UPP1: variants seen among roughly 807,000 people sequenced by gnomAD.
UPP1 encodes UPase 1.
Under a neutral mutation model 29.6 loss-of-function variants are expected in UPP1, and 25 were observed. That is an observed-to-expected ratio of 0.85 (90% CI 0.62 to 1.18). The LOEUF (loss-of-function observed/expected upper bound fraction) is 1.18. Ranked by LOEUF, UPP1 falls within the 50% of genes most tolerant of loss-of-function variation. The pLI is 0.00. For missense variants in UPP1, 368 were observed against 410.4 expected, an observed-to-expected ratio of 0.90 and a Z score of 0.89; for synonymous variants, 165 against 159.8, an observed-to-expected ratio of 1.03 and a Z score of -0.25.
Position 48,094,774 on chromosome 7 carries a change from A to G in UPP1, c.-10A>G, listed in dbSNP as rs1792036521. On this transcript the variant is annotated 5_prime_UTR_variant, in exon 3 of 9. Transcript: ENST00000395564. ...TTTTTTTTCCTTAGGGTCCTGCCTC[A>G]GTTGGCGGAATGGCGGCCACGGGAG... The G allele has an allele frequency of 6.2e-7, 1 of 1,602,964 alleles. No homozygotes were observed. Among genetic ancestry groups the G allele is most frequent in the Non-Finnish European group, 8.5e-7 (1 of 1,173,044 alleles).
rs1562653588 is a variant in UPP1, at chr7:48,099,753, G to T, written c.128G>T (p.Arg43Ile). ...TATCATTTCAATCTCACCACTAGCA[G>T]ACACAATTTCCCAGCCTTGTTTGGA... ...ILYHFNLTTS[R>I]HNFPALFGDV... The change falls in exon 4 of 9, where the codon AGA (arginine) becomes ATA (isoleucine). Residue 43 changes from arginine to isoleucine, a missense_variant. Physicochemically the swap from Arg to Ile is moderately conservative, Grantham distance 97 (BLOSUM62 -3). Transcript: ENST00000395564. The T allele has an allele frequency of 1.2e-6, 2 of 1,613,516 alleles. No homozygotes were observed. Among genetic ancestry groups the T allele is most frequent in the Admixed American group, 3.3e-5 (2 of 60,022 alleles).
At chr7:48,107,603 A>C (rs1388358561) in intron 8 of UPP1, 96 bp downstream of exon 8, 2 of 1,432,122 alleles carry the variant, frequency 1.4e-6, no homozygotes, top group East Asian at 2.3e-5. Flanking sequence ...GGGCACCCCG[A>C]TACCCATTTC....
Position 48,108,522 on chromosome 7 carries a change from C to A in UPP1, c.*165C>A. The A allele has an allele frequency of 1.3e-6, 1 of 784,516 alleles. No homozygotes were observed. Among genetic ancestry groups the A allele is most frequent in the Non-Finnish European group, 1.8e-6 (1 of 548,134 alleles). 48.6% of individuals were successfully genotyped at this position (784,516 alleles called of 1,614,324 possible). A position where few individuals can be genotyped will look rare whatever the true frequency, so the allele number is the denominator to read the frequency against. On this transcript the variant is annotated 3_prime_UTR_variant, in exon 9 of 9. Transcript: ENST00000395564. ...TTGGATTAACCGCATGGGAGATGTT[C>A]TTCCTTTTGAAGTTTCATTGGAGCA...
Position 48,102,000 on chromosome 7 carries a change from C to T in UPP1, c.321+18C>T, listed in dbSNP as rs1792452415. 6.2e-7 allele frequency: 1 copy of T among 1,610,138 alleles called. No individual in the cohort carries two copies. Among genetic ancestry groups the T allele is most frequent in the Non-Finnish European group, 8.5e-7 (1 of 1,177,554 alleles). On this transcript the variant is annotated intron_variant, in intron 5 of 8. Coordinates refer to ENST00000395564, the MANE Select transcript of UPP1 (RefSeq NM_003364.4). ...CTGTCAGTGTGAGTACCTGCCTTCC[C>T]TTGTGCTCAGTCTCTAGGCTCTGCA...
At position 48,107,093 on chromosome 7, in the gene UPP1, G is replaced by A. The variant is rs74767755; in HGVS notation, c.646+11G>A. 7.4e-3 allele frequency: 11,883 copies of A among 1,610,010 alleles called. 79 individuals carry two copies. Among genetic ancestry groups the A allele is most frequent in the Non-Finnish European group, 9.5e-3 (11,144 of 1,178,492 alleles). On this transcript the variant is annotated intron_variant, in intron 7 of 8. Coordinates refer to ENST00000395564, the MANE Select transcript of UPP1 (RefSeq NM_003364.4). ...TGGACTTCTATGAAGGTGAGGCAGC[G>A]GATACGAGGAGGCATCTTTCAGCCA...
chr7:48,108,484 G>T lies in UPP1; in HGVS notation c.*127G>T. 8.6e-7 allele frequency: 1 copy of T among 1,168,172 alleles called. No individual in the cohort carries two copies. 72.4% of individuals were successfully genotyped at this position (1,168,172 alleles called of 1,614,324 possible). Reference sequence around the variant, plus strand: ...ATCTAGAAAATCAGATCGCGATTAAGAGACAGAGAATCTTGGATTAACCGC... The same window carrying T: ...ATCTAGAAAATCAGATCGCGATTAATAGACAGAGAATCTTGGATTAACCGC... On this transcript the variant is annotated 3_prime_UTR_variant, in exon 9 of 9. Coordinates refer to ENST00000395564, the MANE Select transcript of UPP1 (RefSeq NM_003364.4).
intron 2 of UPP1, among the ~76,000 whole-genome samples, chr7:48,092,467 T>G (rs1204979794): frequency 6.6e-6 from 1 of 152,000 alleles, no homozygotes; most frequent in Non-Finnish European, 1.5e-5. Context: ...TGCCTATTCA[T>G]GAAGCTTCAT....
chr7:48,094,930 C>T (rs1792046778), intron 3 of UPP1, 103 bp downstream of exon 3: 2 of 1,331,394 alleles, frequency 1.5e-6, no homozygotes, highest in Middle Eastern at 1.8e-4. Context: ...TATATTAACA[C>T]ATTTGATGCT....
intron 3 of UPP1, among the ~76,000 whole-genome samples, chr7:48,095,648 A>ATT (rs113456503): frequency 6.9e-6 from 1 of 145,882 alleles, no homozygotes; most frequent in African/African-American, 2.5e-5. Flanking sequence ...CCCTGCAGTG[A>ATT]TTTTTTTTTT....
chr7:48,103,269 T>C (rs1792532845), intron 5 of UPP1, 28 bp from the exon 6 acceptor site: 2 of 1,585,084 alleles, frequency 1.3e-6, no homozygotes, highest in Non-Finnish European at 1.7e-6. Flanking sequence ...AACCTTGGCT[T>C]AACATGGGTG....
rs1792814410 is a variant in UPP1 at position 48,107,371 on chromosome 7, T to A, written c.657T>A (p.Arg219=). Residue 219 remains arginine (R), a synonymous_variant, in exon 8 of 9, where the codon CGT becomes CGA. Coordinates refer to ENST00000395564, the MANE Select transcript of UPP1 (RefSeq NM_003364.4). ...CCATGTGTGCCTCAGGGCAAGGCCG[T>A]CTGGATGGGGCTCTCTGCTCCTACA... ...CTLDFYEGQG[R]LDGALCSYTE... is the part of the protein sequence containing the mutation. The A allele has an allele frequency of 6.2e-7, 1 of 1,612,230 alleles. No homozygotes were observed. The highest frequency in any genetic ancestry group is 8.5e-7 in the Non-Finnish European group (1 of 1,178,884).
At chr7:48,092,981 G>A (rs572284466) in intron 2 of UPP1, among the ~76,000 whole-genome samples, 1 of 152,212 alleles carries the variant, frequency 6.6e-6, no homozygotes, top group East Asian at 1.9e-4. Flanking sequence ...TGAGATTAGG[G>A]GCGTGGGCCA....
chr7:48,103,371 C>T lies in UPP1; in HGVS notation c.396C>T (p.Ser132=). 3 of 1,614,010 alleles carry T rather than the reference C, an allele frequency of 1.9e-6. No homozygotes were observed. The highest frequency in any genetic ancestry group is 2.5e-6 in the Non-Finnish European group (3 of 1,179,920). The change falls in exon 6 of 9, where the codon TCC becomes TCT. Residue 132 remains serine (S), a synonymous_variant. Transcript: ENST00000395564. ...AGCTGCTGTACTATGCCCGGTGCTC[C>T]AACGTCACTATCATCCGCATTGGCA... The part of the protein sequence containing the change: ...LIKLLYYARC[S]NVTIIRIGTS...
Position 48,107,570 on chromosome 7 carries a change from C to T in UPP1, c.793+63C>T, listed in dbSNP as rs1792835042. The T allele has an allele frequency of 2.0e-6, 3 of 1,520,172 alleles. No individual in the cohort carries two copies. The Admixed American group carries it at 6.3e-5, about 32-fold the overall frequency. 94.2% of individuals were successfully genotyped at this position (1,520,172 alleles called of 1,614,324 possible). On this transcript the variant is annotated intron_variant, in intron 8 of 8. Transcript: ENST00000395564. ...CCTTCACTTCTGCTCTCCTGGAGCC[C>T]CTCGCTGGGGCCCCTCCTCCTGGGG... is the stretch of plus-strand genomic sequence containing the variant.
chr7:48,104,282 T>A (rs1223913264), intron 6 of UPP1, among the ~76,000 whole-genome samples: 1 of 152,218 alleles, frequency 6.6e-6, no homozygotes, highest in East Asian at 1.9e-4. Flanking sequence ...GAATGAGATT[T>A]AATGAGAAAG....
At chr7:48,097,907 G>C (rs773833338) in intron 3 of UPP1, among the ~76,000 whole-genome samples, 2 of 152,200 alleles carry the variant, frequency 1.3e-5, no homozygotes, top group African/African-American at 2.4e-5. Context: ...GGATTTGGTC[G>C]CTTGAAAAAT....
At chr7:48,106,415 A>AT (rs1249738049) in intron 6 of UPP1, 1 of 170,716 alleles carries the variant, frequency 5.9e-6, no homozygotes, top group African/African-American at 2.4e-5. Flanking sequence ...GGTTCAAGTG[A>AT]TTCTCCCGCC....
intron 3 of UPP1, among the ~76,000 whole-genome samples, chr7:48,099,459 G>A (rs1278309627): frequency 6.6e-6 from 1 of 152,146 alleles, no homozygotes; most frequent in Non-Finnish European, 1.5e-5. Flanking sequence ...AGAGCCATGG[G>A]AGCAACAGGG....
At chr7:48,098,622 T>C (rs531805256) in intron 3 of UPP1, among the ~76,000 whole-genome samples, 1 of 152,350 alleles carries the variant, frequency 6.6e-6, no homozygotes, top group African/African-American at 2.4e-5. Context: ...TCCAAATCCG[T>C]GGCAGCTGAG....
Sources: allele counts gnomAD v4.1 joint callset (sites outside exome capture counted in the v4.1 genomes callset), GRCh38; gene constraint gnomAD v4.1.1; transcripts MANE v1.5; gene names NCBI Gene and HGNC (gene_info 2026-07-23, HGNC 2026-07-21).